The following KCNJ6 variants were observed in gnomAD, a reference collection of about 807,000 sequenced individuals.
KCNJ6 encodes the protein potassium inwardly rectifying channel subfamily J member 6.
A neutral mutation model predicts 34.2 loss-of-function variants in KCNJ6; 9 were observed. The ratio of observed to expected loss-of-function variants is 0.26; its 90% CI spans 0.16 to 0.46. The LOEUF (loss-of-function observed/expected upper bound fraction) is 0.46, where lower values mean the gene tolerates loss of function less well. Among genes scored for constraint, KCNJ6 ranks in the 20% least tolerant of loss-of-function variants. The pLI is 1.00. For missense variants in KCNJ6, 236 were observed against 531.3 expected, an observed-to-expected ratio of 0.44 and a Z score of 5.46; for synonymous variants, 196 against 207.1, an observed-to-expected ratio of 0.95 and a Z score of 0.46.
intron 2 of KCNJ6, among the ~76,000 whole-genome samples, chr21:37,740,864 T>G (rs2054937824): frequency 6.6e-6 from 1 of 152,254 alleles, no homozygotes; most frequent in South Asian, 2.1e-4. Flanking sequence ...CTAAAAAGCA[T>G]GACTGCAAAT....
chr21:37,862,270 G>C (rs1250828574), intron 1 of KCNJ6, among the ~76,000 whole-genome samples: 3 of 152,210 alleles, frequency 2.0e-5, no homozygotes, highest in Admixed American at 1.3e-4. Flanking sequence ...ACCTTAAATA[G>C]GCAGGGCTGG....
At chr21:37,751,358 C>T (rs770186402) in intron 2 of KCNJ6, among the ~76,000 whole-genome samples, 6 of 152,254 alleles carry the variant, frequency 3.9e-5, no homozygotes, top group Non-Finnish European at 7.3e-5. Context: ...ACCTGCTGAC[C>T]TGCTAAGGAG....
intron 1 of KCNJ6, among the ~76,000 whole-genome samples, chr21:37,894,523 G>C (rs1233599448): frequency 6.6e-6 from 1 of 152,118 alleles, no homozygotes; most frequent in African/African-American, 2.4e-5. Context: ...AAATTAGCTG[G>C]GTATGGTGGT....
At chr21:37,640,097 T>A (rs1003664253) in intron 3 of KCNJ6, among the ~76,000 whole-genome samples, 1 of 152,210 alleles carries the variant, frequency 6.6e-6, no homozygotes, top group South Asian at 2.1e-4. Flanking sequence ...AGCAAACATA[T>A]ATGCATACAC....
At chr21:37,673,680 T>C (rs577161853) in intron 3 of KCNJ6, among the ~76,000 whole-genome samples, 1 of 152,228 alleles carries the variant, frequency 6.6e-6, no homozygotes, top group Non-Finnish European at 1.5e-5. Flanking sequence ...CAGATGGGTA[T>C]GTTTAATTTT....
intron 3 of KCNJ6, among the ~76,000 whole-genome samples, chr21:37,704,064 A>G (rs560671941): frequency 6.6e-6 from 1 of 152,270 alleles, no homozygotes; most frequent in South Asian, 2.1e-4. Flanking sequence ...AACAGATATG[A>G]TCTCTCTCTT....
intron 2 of KCNJ6, among the ~76,000 whole-genome samples, chr21:37,835,647 A>G (rs2055447954): frequency 6.6e-6 from 1 of 152,220 alleles, no homozygotes; most frequent in African/African-American, 2.4e-5. Flanking sequence ...GACAGAGTCT[A>G]CTAGGCTGTG....
chr21:37,718,876 C>T (rs1336610150), intron 2 of KCNJ6, among the ~76,000 whole-genome samples: 1 of 152,024 alleles, frequency 6.6e-6, no homozygotes, highest in Non-Finnish European at 1.5e-5. Flanking sequence ...TCAAAACAAA[C>T]AGAAAAAGCC....
intron 3 of KCNJ6, among the ~76,000 whole-genome samples, chr21:37,709,737 G>C (rs1039513849): frequency 6.6e-6 from 1 of 152,138 alleles, no homozygotes; most frequent in African/African-American, 2.4e-5. Flanking sequence ...CTTCATCTGT[G>C]AAATGGGCAA....
chr21:37,893,304 T>C (rs781170061), intron 1 of KCNJ6, among the ~76,000 whole-genome samples: 7 of 152,010 alleles, frequency 4.6e-5, no homozygotes, highest in Admixed American at 1.3e-4. Flanking sequence ...GCCACCTGTG[T>C]CCAAGCAATT....
chr21:37,780,573 T>C (rs1168091518), intron 2 of KCNJ6, among the ~76,000 whole-genome samples: 2 of 151,102 alleles, frequency 1.3e-5, no homozygotes, highest in African/African-American at 4.9e-5. Context: ...TGTGTGTGTA[T>C]GTGGTGGGGG....
intron 3 of KCNJ6, among the ~76,000 whole-genome samples, chr21:37,634,366 A>G (rs1338014156): frequency 6.6e-6 from 1 of 152,104 alleles, no homozygotes; most frequent in African/African-American, 2.4e-5. Flanking sequence ...CCCTTCTGCA[A>G]TGAGTGGAAG....
chr21:37,654,158 A>C (rs1385950973), intron 3 of KCNJ6, among the ~76,000 whole-genome samples: 1 of 140,526 alleles, frequency 7.1e-6, no homozygotes, highest in Non-Finnish European at 1.5e-5. Flanking sequence ...ATGGACGTGC[A>C]GCACCAGGCA....
chr21:37,898,671 G>T (rs2055801689), intron 1 of KCNJ6, among the ~76,000 whole-genome samples: 1 of 152,204 alleles, frequency 6.6e-6, no homozygotes, highest in Non-Finnish European at 1.5e-5. Flanking sequence ...GCTGTAGGTG[G>T]TGGGTGGAGT....
chr21:37,740,969 G>A (rs2054938390), intron 2 of KCNJ6, among the ~76,000 whole-genome samples: 1 of 152,202 alleles, frequency 6.6e-6, no homozygotes, highest in Non-Finnish European at 1.5e-5. Context: ...CCCCTTGAAT[G>A]TTGGGGGTAC....
rs533418041 is a variant in KCNJ6 at position 37,805,701 on chromosome 21, T to C, written c.25+34957A>G. 1.2e-4 allele frequency among the ~76,000 whole-genome samples: 18 copies of C among 152,260 alleles called. No individual in the cohort carries two copies. In the South Asian group the frequency reaches 3.7e-3, roughly 32 times the overall value. ...TTAAGGAGTGTCTTAATCCAATGAC[T>C]GGTGTACTTATGAGAAGAGGTAAAT... On this transcript the variant is annotated intron_variant, in intron 2 of 3. Coordinates refer to ENST00000609713, the MANE Select transcript of KCNJ6 (RefSeq NM_002240.5).
chr21:37,785,023 G>A (rs2055186481), intron 2 of KCNJ6, among the ~76,000 whole-genome samples: 1 of 152,182 alleles, frequency 6.6e-6, no homozygotes, highest in Non-Finnish European at 1.5e-5. Context: ...TTGAGAGCAA[G>A]TGTTTTAAGT....
At chr21:37,715,198 G>C (rs986439938) in intron 2 of KCNJ6, 67 bp from the exon 3 acceptor site, 2 of 1,361,110 alleles carry the variant, frequency 1.5e-6, no homozygotes, top group Non-Finnish European at 2.0e-6. Context: ...CAATGGAACG[G>C]CACACTTTGT....
intron 1 of KCNJ6, among the ~76,000 whole-genome samples, chr21:37,901,700 C>T (rs757725496): frequency 3.3e-5 from 5 of 152,170 alleles, no homozygotes; most frequent in Non-Finnish European, 7.3e-5. Flanking sequence ...GGTAAGTGTG[C>T]TGTGCTGGAC....
Sources: gnomAD v4.1 joint callset for allele counts (sites outside exome capture counted in the v4.1 genomes callset) on GRCh38, gnomAD v4.1.1 for gene constraint, MANE v1.5 for transcripts, NCBI Gene and HGNC (gene_info 2026-07-23, HGNC 2026-07-21) for gene names.